SLCO3A1: variants seen among roughly 807,000 people sequenced by gnomAD.
SLCO3A1 encodes the protein solute carrier organic anion transporter family member 3A1.
In SLCO3A1, 27 loss-of-function variants were observed where a neutral mutation model predicts 63.1. The ratio of observed to expected loss-of-function variants is 0.43; its 90% confidence interval spans 0.32 to 0.59. SLCO3A1 has a LOEUF of 0.59. Among genes scored for constraint, SLCO3A1 ranks in the 20% least tolerant of loss-of-function variants. The pLI is 0.09. For synonymous variants in SLCO3A1, 473 were observed against 409.9 expected, an observed-to-expected ratio of 1.15 and a Z score of -1.86; for missense variants, 773 against 945.8, an observed-to-expected ratio of 0.82 and a Z score of 2.40.
chr15:92,098,574 A>G (rs551833979), intron 3 of SLCO3A1, among the ~76,000 whole-genome samples: 12 of 152,190 alleles, frequency 7.9e-5, no homozygotes, highest in African/African-American at 2.9e-4. Flanking sequence ...AACCTTAACT[A>G]TGTGGGTTTA....
intron 2 of SLCO3A1, among the ~76,000 whole-genome samples, chr15:91,994,981 C>T (rs934315797): frequency 2.6e-5 from 4 of 152,188 alleles, no homozygotes; most frequent in African/African-American, 7.2e-5. Flanking sequence ...CCCTCATTCC[C>T]ACGTAGGAAA....
intron 8 of SLCO3A1, chr15:92,149,388 ATGTCTCAGGC>A (rs1774899099): frequency 6.6e-6 from 1 of 152,264 alleles, no homozygotes; most frequent in African/African-American, 2.4e-5. Context: ...GCCATCACAG[ATGTCTCAGGC>A]TGGCACAGGG....
chr15:92,000,045 A>G (rs968729572), intron 2 of SLCO3A1, among the ~76,000 whole-genome samples: 3 of 152,236 alleles, frequency 2.0e-5, no homozygotes, highest in Non-Finnish European at 2.9e-5. Flanking sequence ...AATGGATTAG[A>G]TACATTTGAA....
intron 2 of SLCO3A1, among the ~76,000 whole-genome samples, chr15:91,921,854 C>T (rs768621708): frequency 1.1e-4 from 16 of 152,004 alleles, no homozygotes; most frequent in African/African-American, 3.4e-4. Context: ...CTCATCCTCC[C>T]GAGTAGCTGA....
At chr15:92,142,548 T>C (rs2238355) in intron 7 of SLCO3A1, among the ~76,000 whole-genome samples, 74,586 of 152,026 alleles carry the variant, frequency 0.49, 19,684 homozygotes, top group African/African-American at 0.7. Flanking sequence ...CTTGTAATAG[T>C]ATCACATTGG....
intron 2 of SLCO3A1, among the ~76,000 whole-genome samples, chr15:92,071,974 C>A (rs1444802138): frequency 2.0e-5 from 3 of 152,188 alleles, no homozygotes; most frequent in African/African-American, 7.2e-5. Flanking sequence ...TCAGCTGTCA[C>A]CAAGGGTACA....
At chr15:91,960,884 T>TC (rs2151421091) in intron 2 of SLCO3A1, among the ~76,000 whole-genome samples, 1 of 152,346 alleles carries the variant, frequency 6.6e-6, no homozygotes, top group Admixed American at 6.5e-5. Context: ...CCTTTGAGTG[T>TC]CATGTCAGCA....
At chr15:91,973,139 C>T (rs1228118730) in intron 2 of SLCO3A1, among the ~76,000 whole-genome samples, 1 of 152,188 alleles carries the variant, frequency 6.6e-6, no homozygotes, top group Non-Finnish European at 1.5e-5. Context: ...GGGCAACGGG[C>T]AGTGCCCTGG....
chr15:92,107,093 C>G (rs2047676160), intron 4 of SLCO3A1, among the ~76,000 whole-genome samples: 2 of 152,168 alleles, frequency 1.3e-5, no homozygotes. Flanking sequence ...GTTGAGCTGA[C>G]AAGTACACAG....
intron 7 of SLCO3A1, among the ~76,000 whole-genome samples, chr15:92,135,678 TAA>T (rs2048048452): frequency 6.6e-6 from 1 of 152,192 alleles, no homozygotes; most frequent in South Asian, 2.1e-4. Context: ...AGAAAATCCA[TAA>T]GTGTCTGGGA....
intron 7 of SLCO3A1, among the ~76,000 whole-genome samples, chr15:92,143,379 A>ATTTTT (rs1474143008): frequency 6.4e-4 from 1 of 1,574 alleles, no homozygotes; most frequent in African/African-American, 1.1e-3. Context: ...TATATAATAT[A>ATTTTT]TATAATATAT....
At chr15:91,924,948 A>G (rs1442939412) in intron 2 of SLCO3A1, among the ~76,000 whole-genome samples, 1 of 152,226 alleles carries the variant, frequency 6.6e-6, no homozygotes, top group Non-Finnish European at 1.5e-5. Context: ...GAAGTGTTTG[A>G]TAGGCAGGAA....
In SLCO3A1 at chr15:91,947,247, G is replaced by A. The variant is rs534072092; in HGVS notation, c.646+30789G>A. Among the ~76,000 whole-genome samples, 8 of 152,292 alleles carry A rather than the reference G, an allele frequency of 5.3e-5. No homozygotes were observed. The East Asian group carries it at 5.8e-4, about 11-fold the overall frequency. On this transcript the variant is annotated intron_variant, in intron 2 of 9. Transcript: ENST00000318445. ...ATACGACCCCTCCTTGTCGAGGACC[G>A]TCTTTTCCGAGGCTCTGTGGCATAT...
At chr15:92,010,311 T>A (rs529147979) in intron 2 of SLCO3A1, among the ~76,000 whole-genome samples, 1 of 152,332 alleles carries the variant, frequency 6.6e-6, no homozygotes, top group East Asian at 1.9e-4. Context: ...TATATGGTCT[T>A]GATAAAGCTC....
chr15:91,975,361 C>T (rs2151432221), intron 2 of SLCO3A1, among the ~76,000 whole-genome samples: 1 of 152,326 alleles, frequency 6.6e-6, no homozygotes, highest in South Asian at 2.1e-4. Flanking sequence ...TGTCCAGCAA[C>T]ACACATGCAG....
At chr15:91,924,366 T>G (rs1222123801) in intron 2 of SLCO3A1, among the ~76,000 whole-genome samples, 2 of 152,170 alleles carry the variant, frequency 1.3e-5, no homozygotes, top group Non-Finnish European at 2.9e-5. Context: ...TGAAATCTTC[T>G]CCAAGCCCTT....
chr15:91,858,518 T>C (rs745594777), intron 1 of SLCO3A1, among the ~76,000 whole-genome samples: 12 of 152,332 alleles, frequency 7.9e-5, no homozygotes, highest in Non-Finnish European at 1.2e-4. Flanking sequence ...TATTTAACAA[T>C]AGAAGAAACT....
intron 2 of SLCO3A1, among the ~76,000 whole-genome samples, chr15:91,978,466 A>G (rs1345166777): frequency 4.6e-5 from 7 of 152,144 alleles, no homozygotes; most frequent in Non-Finnish European, 1.0e-4. Flanking sequence ...CAAGCCACCA[A>G]CTCATCTAAG....
Position 92,163,192 on chromosome 15 carries a change from A to T in SLCO3A1, c.*57A>T. The T allele has an allele frequency of 3.5e-6, 5 of 1,433,564 alleles. No homozygotes were observed. Among genetic ancestry groups the T allele is most frequent in the Non-Finnish European group, 4.5e-6 (5 of 1,099,504 alleles). The allele number at this position is 1,433,564 out of a possible 1,614,324, so 88.8% of individuals were successfully genotyped here. A position where few individuals can be genotyped will look rare whatever the true frequency, so the allele number is the denominator to read the frequency against. On this transcript the variant is annotated 3_prime_UTR_variant, in exon 10 of 10. Transcript: ENST00000318445. ...AATCCAAGGGTCATTTTTTTCTTAA[A>T]AAAAGAAAAAAAGGTTCCAAAAAAA... is the stretch of plus-strand genomic sequence containing the variant.
Sources: gnomAD v4.1 joint callset for allele counts (sites outside exome capture counted in the v4.1 genomes callset) on GRCh38, gnomAD v4.1.1 for gene constraint, MANE v1.5 for transcripts, NCBI Gene and HGNC (gene_info 2026-07-23, HGNC 2026-07-21) for gene names.